Variants in BAZ1A observed in about 807,000 individuals in gnomAD.
BAZ1A encodes bromodomain adjacent to zinc finger domain 1A.
In BAZ1A, 50 loss-of-function variants were observed where a neutral mutation model predicts 185.2. The observed-to-expected ratio is 0.27, with a 90% confidence interval of 0.22 to 0.34. BAZ1A has a LOEUF of 0.34. Ranked by LOEUF, BAZ1A falls within the 10% of genes least tolerant of loss-of-function variation. The pLI, the probability that BAZ1A is intolerant of heterozygous loss-of-function variation, is 1.00. For synonymous variants in BAZ1A, 571 were observed against 615.6 expected (o/e 0.93, Z 1.07); for missense variants, 1,356 against 1,839.9 (o/e 0.74, Z 4.81).
intron 2 of BAZ1A, among the ~76,000 whole-genome samples, chr14:34,867,271 GA>G (rs908332606): frequency 1.6e-4 from 23 of 148,376 alleles, no homozygotes; most frequent in African/African-American, 2.7e-4. Flanking sequence ...ACAAAAAAAA[GA>G]AAAAAAAAAT....
chr14:34,787,499 C>T (rs1880557166), intron 12 of BAZ1A, among the ~76,000 whole-genome samples: 1 of 151,680 alleles, frequency 6.6e-6, no homozygotes, highest in Admixed American at 6.6e-5. Flanking sequence ...ACCTGGCCAA[C>T]ATGGTGAAAC....
intron 21 of BAZ1A, among the ~76,000 whole-genome samples, chr14:34,767,325 G>A (rs560957111): frequency 6.6e-6 from 1 of 152,134 alleles, no homozygotes; most frequent in South Asian, 2.1e-4. Context: ...TGAGGGGAAT[G>A]GATCACATGA....
intron 4 of BAZ1A, among the ~76,000 whole-genome samples, chr14:34,819,292 A>G (rs1303286379): frequency 6.6e-6 from 1 of 152,078 alleles, no homozygotes; most frequent in Non-Finnish European, 1.5e-5. Flanking sequence ...CCCCATGGAT[A>G]TGGGAGCACT....
intron 4 of BAZ1A, among the ~76,000 whole-genome samples, chr14:34,817,022 A>G (rs2042016542): frequency 6.6e-6 from 1 of 152,186 alleles, no homozygotes. Context: ...GAGTAAAAAA[A>G]AAATTATTGA....
At chr14:34,754,951 A>T (rs1181314204) in intron 25 of BAZ1A, 37 bp from the exon 26 acceptor site, 1 of 1,484,378 alleles carries the variant, frequency 6.7e-7, no homozygotes, top group Non-Finnish European at 9.2e-7. Flanking sequence ...CCACACAGAA[A>T]ACTTAACTGG....
intron 24 of BAZ1A, among the ~76,000 whole-genome samples, chr14:34,760,659 C>T (rs1594808858): frequency 6.6e-6 from 1 of 151,934 alleles, no homozygotes; most frequent in Non-Finnish European, 1.5e-5. Flanking sequence ...GCAAGACCAG[C>T]CTGGGCAACT....
intron 2 of BAZ1A, among the ~76,000 whole-genome samples, chr14:34,865,712 A>G (rs1295672747): frequency 5.3e-5 from 8 of 152,240 alleles, no homozygotes; most frequent in African/African-American, 1.9e-4. Flanking sequence ...CTTTTGAACT[A>G]AAGTTTAGTT....
intron 3 of BAZ1A, among the ~76,000 whole-genome samples, chr14:34,844,059 AGCC>A (rs2042461667): frequency 2.0e-5 from 3 of 150,570 alleles, no homozygotes; most frequent in Non-Finnish European, 4.4e-5. Flanking sequence ...ACAAAAAATT[AGCC>A]GGGCGTGGTA....
intron 7 of BAZ1A, among the ~76,000 whole-genome samples, chr14:34,801,576 G>A (rs1881563304): frequency 6.6e-6 from 1 of 152,140 alleles, no homozygotes; most frequent in Non-Finnish European, 1.5e-5. Context: ...GATTACAGGT[G>A]TGAGCCACTG....
intron 10 of BAZ1A, 142 bp downstream of exon 10, chr14:34,795,528 T>G: frequency 1.9e-6 from 1 of 526,014 alleles, no homozygotes; most frequent in Non-Finnish European, 3.2e-6. Flanking sequence ...ATTCTAAGTG[T>G]GAACATTTGC....
chr14:34,873,666 A>C (rs2042989242), intron 2 of BAZ1A, among the ~76,000 whole-genome samples: 1 of 152,200 alleles, frequency 6.6e-6, no homozygotes, highest in Admixed American at 6.5e-5. Context: ...GCGAAAGTGA[A>C]AACGAGGGGC....
At chr14:34,776,652 G>T in intron 17 of BAZ1A, 137 bp from the exon 18 acceptor site, 1 of 676,194 alleles carries the variant, frequency 1.5e-6, no homozygotes, top group East Asian at 2.7e-5. Flanking sequence ...AAGTTCATAT[G>T]TTGAAGCCCT....
intron 5 of BAZ1A, among the ~76,000 whole-genome samples, chr14:34,808,312 G>A (rs985397045): frequency 4.0e-5 from 6 of 151,824 alleles, no homozygotes; most frequent in African/African-American, 1.5e-4. Flanking sequence ...TGGCCAACAT[G>A]GTGAAACCCC....
chr14:34,812,332 A>G (rs1208126744), intron 4 of BAZ1A, among the ~76,000 whole-genome samples: 1 of 152,254 alleles, frequency 6.6e-6, no homozygotes, highest in Non-Finnish European at 1.5e-5. Flanking sequence ...GGAAGGAGGC[A>G]TGCACAATTT....
rs10707416 is a variant in BAZ1A at position 34,856,289 on chromosome 14, C to CTTTT, written c.392+5751_392+5754dup. 4.5e-3 allele frequency among the ~76,000 whole-genome samples: 608 copies of CTTTT among 134,508 alleles called. 12 individuals carry two copies. The highest frequency in any genetic ancestry group is 6.6e-3 in the African/African-American group (240 of 36,108). 88.2% of individuals were successfully genotyped at this position (134,508 alleles called of 152,430 possible). ...CTCTCTTAACTGAACTCAAGAGCAT[C>CTTTT]TTTTTTTTTTTTTTTTTGAGACCAG... On this transcript the variant is annotated intron_variant, in intron 3 of 26. Coordinates refer to ENST00000360310, the MANE Select transcript of BAZ1A (RefSeq NM_013448.3).
intron 9 of BAZ1A, among the ~76,000 whole-genome samples, chr14:34,798,819 A>G (rs1044445280): frequency 6.6e-6 from 1 of 152,212 alleles, no homozygotes; most frequent in South Asian, 2.1e-4. Flanking sequence ...TGTGGAAGAC[A>G]GTGTGGCGAT....
At chr14:34,862,432 T>C (rs1036578247) in intron 2 of BAZ1A, 110 bp from the exon 3 acceptor site, 46 of 1,228,832 alleles carry the variant, frequency 3.7e-5, no homozygotes, top group Non-Finnish European at 4.7e-5. Context: ...TAATGCAAAA[T>C]TTTATGTAGA....
intron 3 of BAZ1A, among the ~76,000 whole-genome samples, chr14:34,857,410 C>A (rs2042701157): frequency 6.6e-6 from 1 of 152,068 alleles, no homozygotes; most frequent in African/African-American, 2.4e-5. Context: ...CTCAACTGAT[C>A]CTCCTGCCCA....
chr14:34,789,927 C>T (rs1394784117), intron 12 of BAZ1A, among the ~76,000 whole-genome samples: 2 of 152,124 alleles, frequency 1.3e-5, no homozygotes, highest in Non-Finnish European at 2.9e-5. Flanking sequence ...CCTTATTAGC[C>T]ATGTTTCTTC....
Sources: allele counts gnomAD v4.1 joint callset (sites outside exome capture counted in the v4.1 genomes callset), GRCh38; gene constraint gnomAD v4.1.1; transcripts MANE v1.5; gene names NCBI Gene and HGNC (gene_info 2026-07-23, HGNC 2026-07-21).